LARGE1: variants seen among roughly 807,000 people sequenced by gnomAD.
LARGE1 encodes the protein LARGE xylosyl- and glucuronyltransferase 1.
In LARGE1, 43 loss-of-function variants were observed where a neutral mutation model predicts 87.6. That is an observed-to-expected ratio of 0.49 (90% CI 0.38 to 0.63). The LOEUF (loss-of-function observed/expected upper bound fraction) is 0.63, where lower values mean the gene tolerates loss of function less well. Ranked by LOEUF, LARGE1 falls within the 30% of genes least tolerant of loss-of-function variation. The pLI is 0.00. For missense variants in LARGE1, 802 were observed against 1,000.2 expected (o/e 0.80, Z 2.67); for synonymous variants, 434 against 394.6 (o/e 1.10, Z -1.18).
chr22:33,306,191 T>C (rs1569035997), intron 11 of LARGE1, among the ~76,000 whole-genome samples: 2 of 152,158 alleles, frequency 1.3e-5, no homozygotes, highest in African/African-American at 4.8e-5. Context: ...TGACGCCTAA[T>C]TGCACTGAAC....
In LARGE1 at chr22:33,508,642, A is replaced by C. The variant is rs577839351; in HGVS notation, c.787+56206T>G. Among the ~76,000 whole-genome samples, 37 of 152,308 alleles carry C rather than the reference A, an allele frequency of 2.4e-4. No homozygotes were observed. The South Asian group carries it at 5.4e-3, about 22-fold the overall frequency. On this transcript the variant is annotated intron_variant, in intron 6 of 14. Transcript: ENST00000397394. ...CTTCCTGGAGAAAGTTACAACGTAC[A>C]TCCATGACATCCTATCAGAATTATG...
chr22:33,189,849 C>T (rs975818728), intron 11 of LARGE1, among the ~76,000 whole-genome samples: 2 of 152,106 alleles, frequency 1.3e-5, no homozygotes, highest in African/African-American at 4.8e-5. Context: ...CGAAGGTAAA[C>T]AAGTATGAGG....
At chr22:33,576,357 G>T (rs2078351999) in intron 5 of LARGE1, among the ~76,000 whole-genome samples, 1 of 152,152 alleles carries the variant, frequency 6.6e-6, no homozygotes. Context: ...TGTGCCAGAT[G>T]ATTGCTTTGA....
chr22:33,760,595 C>A (rs1290136598), intron 2 of LARGE1, among the ~76,000 whole-genome samples: 1 of 152,186 alleles, frequency 6.6e-6, no homozygotes, highest in Admixed American at 6.5e-5. Flanking sequence ...TCTCCATATT[C>A]TCAGCACCAA....
At chr22:33,638,397 T>C (rs1374324103) in intron 3 of LARGE1, among the ~76,000 whole-genome samples, 1 of 152,216 alleles carries the variant, frequency 6.6e-6, no homozygotes, top group East Asian at 1.9e-4. Context: ...GACAGATCTT[T>C]GCCTAAACTC....
intron 6 of LARGE1, among the ~76,000 whole-genome samples, chr22:33,487,862 G>A (rs1203889487): frequency 2.6e-5 from 4 of 152,170 alleles, no homozygotes; most frequent in Non-Finnish European, 5.9e-5. Context: ...TGGAGATCAT[G>A]TTATCTCCCT....
intron 9 of LARGE1, among the ~76,000 whole-genome samples, chr22:33,378,426 A>G (rs1043391374): frequency 6.6e-6 from 1 of 152,154 alleles, no homozygotes; most frequent in Non-Finnish European, 1.5e-5. Flanking sequence ...CTCTTTGTGG[A>G]TCCTGACTTT....
At position 33,752,170 on chromosome 22, in the gene LARGE1, T is replaced by TAG. The variant is rs1484828086; in HGVS notation, c.106+9199_106+9200dup. ...AACGCTGATGTGAGCACTCTAGTAC[T>TAG]AGTCTTTTGTTTCCACCTACATGCA... is the stretch of plus-strand genomic sequence containing the variant. On this transcript the variant is annotated intron_variant, in intron 2 of 14. Coordinates refer to ENST00000397394, the MANE Select transcript of LARGE1 (RefSeq NM_133642.5). Among the ~76,000 whole-genome samples, 3 of 152,340 alleles carry TAG rather than the reference T, an allele frequency of 2.0e-5. No individual in the cohort carries two copies. The East Asian group carries it at 5.8e-4, about 29-fold the overall frequency.
At chr22:33,708,582 G>C (rs2082632156) in intron 2 of LARGE1, among the ~76,000 whole-genome samples, 1 of 152,234 alleles carries the variant, frequency 6.6e-6, no homozygotes, top group African/African-American at 2.4e-5. Context: ...TGATATCAAA[G>C]TGTTGGCAGG....
At chr22:33,120,488 CCTTT>C in the LARGE1 span, among the ~76,000 whole-genome samples, 3 of 147,004 alleles carry the variant, frequency 2.0e-5, no homozygotes, top group South Asian at 4.4e-4. Context: ...CTCCTTCCTT[CCTTT>C]CTTTCCTTCT....
chr22:33,886,888 C>T (rs2064867304), intron 1 of LARGE1, among the ~76,000 whole-genome samples: 2 of 152,034 alleles, frequency 1.3e-5, no homozygotes, highest in African/African-American at 4.8e-5. Flanking sequence ...GCTTCCAGTC[C>T]AGCAGGGAAG....
intron 11 of LARGE1, among the ~76,000 whole-genome samples, chr22:33,313,496 T>C (rs1935827684): frequency 6.6e-6 from 1 of 152,224 alleles, no homozygotes; most frequent in African/African-American, 2.4e-5. Flanking sequence ...GGACATGCCC[T>C]GTGTTATCGC....
chr22:33,081,252 T>C, the LARGE1 span, among the ~76,000 whole-genome samples: 1 of 152,192 alleles, frequency 6.6e-6, no homozygotes, highest in African/African-American at 2.4e-5. Flanking sequence ...TAAATGTCTA[T>C]TGTTTAAATC....
intron 2 of LARGE1, among the ~76,000 whole-genome samples, chr22:33,754,259 T>G (rs2084425498): frequency 6.6e-6 from 1 of 152,186 alleles, no homozygotes; most frequent in South Asian, 2.1e-4. Context: ...AGCAGCCCAC[T>G]TGCATGCTCA....
chr22:33,074,911 CAT>C, the LARGE1 span, among the ~76,000 whole-genome samples: 1 of 152,128 alleles, frequency 6.6e-6, no homozygotes, highest in African/African-American at 2.4e-5. Flanking sequence ...GTGCTTTACA[CAT>C]GTTAACATTT....
chr22:33,849,348 C>T (rs1234224485), intron 1 of LARGE1, among the ~76,000 whole-genome samples: 1 of 152,130 alleles, frequency 6.6e-6, no homozygotes, highest in African/African-American at 2.4e-5. Flanking sequence ...CTCCACCTCC[C>T]AGCACCCCAT....
intron 1 of LARGE1, among the ~76,000 whole-genome samples, chr22:33,868,862 G>A (rs1434100543): frequency 6.6e-6 from 1 of 152,092 alleles, no homozygotes; most frequent in Non-Finnish European, 1.5e-5. Context: ...AAAACTAAAT[G>A]GAAAGGGGGT....
intron 6 of LARGE1, chr22:33,563,100 G>A (rs1447073796): frequency 6.6e-6 from 1 of 152,412 alleles, no homozygotes; most frequent in Non-Finnish European, 1.5e-5. Context: ...GAAGGGGTGT[G>A]GCCACAGGCA....
intron 6 of LARGE1, among the ~76,000 whole-genome samples, chr22:33,510,229 A>G (rs767592145): frequency 6.6e-6 from 1 of 152,160 alleles, no homozygotes; most frequent in South Asian, 2.1e-4. Context: ...CCCTGCAGCC[A>G]CCTTGTAAGG....
Sources: allele counts gnomAD v4.1 joint callset (sites outside exome capture counted in the v4.1 genomes callset), GRCh38; gene constraint gnomAD v4.1.1; transcripts MANE v1.5; gene names NCBI Gene and HGNC (gene_info 2026-07-23, HGNC 2026-07-21).